The following COL21A1 variants were observed in gnomAD, a reference collection of about 807,000 sequenced individuals.
COL21A1 encodes the protein collagen type XXI alpha 1 chain.
Under a neutral mutation model 137.9 loss-of-function variants are expected in COL21A1, and 149 were observed. The ratio of observed to expected loss-of-function variants is 1.08; its 90% CI spans 0.95 to 1.24. COL21A1 has a LOEUF of 1.24. COL21A1 is among the 50% of genes most tolerant of loss of function. The probability of loss-of-function intolerance (pLI) is 0.00; values close to 1 mark genes in which losing one functional copy is unlikely to be tolerated. For synonymous variants in COL21A1, 456 were observed against 391.5 expected, an observed-to-expected ratio of 1.16 and a Z score of -1.95; for missense variants, 1,167 against 1,158.4, an observed-to-expected ratio of 1.01 and a Z score of -0.11.
At chr6:56,181,569 CT>C (rs1386704542) in intron 2 of COL21A1, among the ~76,000 whole-genome samples, 1 of 152,082 alleles carries the variant, frequency 6.6e-6, no homozygotes, top group Non-Finnish European at 1.5e-5. Context: ...CCTTCCTACC[CT>C]TCTCCCTGTC....
Position 56,059,244 on chromosome 6 carries a change from T to G in COL21A1, c.2609-2A>C, listed in dbSNP as rs746524476. On this transcript the variant is annotated splice_acceptor_variant, in intron 28 of 29. Transcript: ENST00000244728. LOFTEE classifies it high-confidence loss of function. ...TTTCCCCATTTCTTCCTGGTAGGCC[T>G]GCAGGGTGTCAAACATCTGAGTAAG... 6.3e-7 allele frequency: 1 copy of G among 1,593,508 alleles called. No individual in the cohort carries two copies. Among genetic ancestry groups the G allele is most frequent in the Non-Finnish European group, 8.5e-7 (1 of 1,173,158 alleles).
intron 2 of COL21A1, among the ~76,000 whole-genome samples, chr6:56,181,597 T>C (rs912680287): frequency 3.3e-5 from 5 of 152,164 alleles, no homozygotes; most frequent in African/African-American, 1.2e-4. Flanking sequence ...CCACAGAGCA[T>C]GTATTTCATA....
intron 17 of COL21A1, among the ~76,000 whole-genome samples, chr6:56,093,653 T>C (rs778656379): frequency 2.8e-4 from 43 of 152,258 alleles, no homozygotes; most frequent in Non-Finnish European, 5.0e-4. Flanking sequence ...ACTTGAAAGA[T>C]AGTACATAAT....
intron 1 of COL21A1, among the ~76,000 whole-genome samples, chr6:56,334,628 T>C (rs1307001761): frequency 6.6e-6 from 1 of 152,166 alleles, no homozygotes; most frequent in East Asian, 1.9e-4. Flanking sequence ...AATTATAGGA[T>C]CTGTTCCTTG....
intron 1 of COL21A1, among the ~76,000 whole-genome samples, chr6:56,308,901 G>A (rs999498400): frequency 6.6e-6 from 1 of 152,088 alleles, no homozygotes; most frequent in Non-Finnish European, 1.5e-5. Flanking sequence ...CATAAGAGTG[G>A]CACTAATTTT....
intron 17 of COL21A1, among the ~76,000 whole-genome samples, chr6:56,098,665 A>AT (rs1770084894): frequency 3.7e-5 from 1 of 27,358 alleles, no homozygotes; most frequent in Non-Finnish European, 6.9e-5. Context: ...AAATATATAT[A>AT]AATATATATA....
At chr6:56,125,521 C>A in intron 14 of COL21A1, 46 bp downstream of exon 14, 1 of 1,365,578 alleles carries the variant, frequency 7.3e-7, no homozygotes, top group South Asian at 1.3e-5. Context: ...GTTTCCATTA[C>A]ATTAAAAGTT....
intron 1 of COL21A1, among the ~76,000 whole-genome samples, chr6:56,381,791 A>G (rs1305646374): frequency 6.6e-6 from 1 of 152,202 alleles, no homozygotes; most frequent in East Asian, 1.9e-4. Context: ...CCACAGTTGT[A>G]TTTTAATGAA....
At chr6:56,208,599 CA>C (rs1298823211) in intron 1 of COL21A1, among the ~76,000 whole-genome samples, 2 of 152,096 alleles carry the variant, frequency 1.3e-5, no homozygotes, top group Admixed American at 6.6e-5. Context: ...CCATACTGCC[CA>C]AAGTAATTTA....
intron 1 of COL21A1, among the ~76,000 whole-genome samples, chr6:56,283,180 C>T (rs1414745119): frequency 2.6e-5 from 4 of 151,686 alleles, no homozygotes; most frequent in African/African-American, 9.7e-5. Flanking sequence ...TTAAGGGAAT[C>T]AAGACTTGCA....
intron 1 of COL21A1, among the ~76,000 whole-genome samples, chr6:56,201,622 C>G (rs558737180): frequency 6.6e-6 from 1 of 151,680 alleles, no homozygotes; most frequent in African/African-American, 2.4e-5. Flanking sequence ...TGTAGATATG[C>G]GGCATTTAAA....
At chr6:56,324,964 G>A (rs1342029333) in intron 1 of COL21A1, among the ~76,000 whole-genome samples, 1 of 151,416 alleles carries the variant, frequency 6.6e-6, no homozygotes, top group Non-Finnish European at 1.5e-5. Context: ...GAAGATGAAG[G>A]GTCACAAAGA....
intron 5 of COL21A1, among the ~76,000 whole-genome samples, chr6:56,168,767 C>T (rs1007557778): frequency 2.0e-5 from 3 of 151,956 alleles, no homozygotes; most frequent in African/African-American, 7.2e-5. Flanking sequence ...CTCCCTCAAC[C>T]TACCCTTTAA....
At chr6:56,152,034 C>CA (rs1260692963) in intron 10 of COL21A1, among the ~76,000 whole-genome samples, 1 of 152,184 alleles carries the variant, frequency 6.6e-6, no homozygotes, top group Admixed American at 6.5e-5. Context: ...GCTGCTATAA[C>CA]AAATTACCCC....
At chr6:56,377,965 T>G (rs1387821531) in intron 1 of COL21A1, among the ~76,000 whole-genome samples, 1 of 152,048 alleles carries the variant, frequency 6.6e-6, no homozygotes, top group African/African-American at 2.4e-5. Flanking sequence ...AGATACACAC[T>G]GGGCCAGAAG....
intron 3 of COL21A1, among the ~76,000 whole-genome samples, chr6:56,175,922 T>C (rs1777433709): frequency 6.6e-6 from 1 of 151,994 alleles, no homozygotes; most frequent in Middle Eastern, 3.4e-3. Flanking sequence ...GGTAAAGGCA[T>C]AAAAACAAAC....
At chr6:56,236,236 G>C (rs893104550) in intron 1 of COL21A1, among the ~76,000 whole-genome samples, 1 of 151,910 alleles carries the variant, frequency 6.6e-6, no homozygotes, top group African/African-American at 2.4e-5. Flanking sequence ...CTGGGAACAT[G>C]GAAAAAGAAA....
At chr6:56,292,387 A>AG (rs1764066773) in intron 1 of COL21A1, among the ~76,000 whole-genome samples, 1 of 108,342 alleles carries the variant, frequency 9.2e-6, no homozygotes, top group Non-Finnish European at 2.1e-5. Context: ...TCAACAAAAC[A>AG]GGGACCCCCC....
At chr6:56,074,041 G>A (rs4715576) in intron 20 of COL21A1, among the ~76,000 whole-genome samples, 191 bp downstream of exon 20, 65,422 of 151,142 alleles carry the variant, frequency 0.43, 15,838 homozygotes, top group East Asian at 0.74. Context: ...CAACATAACA[G>A]GATGAGCTTT....
Sources: allele counts gnomAD v4.1 joint callset (sites outside exome capture counted in the v4.1 genomes callset), GRCh38; gene constraint gnomAD v4.1.1; transcripts MANE v1.5; gene names NCBI Gene and HGNC (gene_info 2026-07-23, HGNC 2026-07-21).